The following MCU variants were observed in gnomAD, a reference collection of about 807,000 sequenced individuals.
MCU encodes the protein mitochondrial calcium uniporter, also known as calcium uniporter protein, mitochondrial.
A neutral mutation model predicts 45.2 loss-of-function variants in MCU; 12 were observed. The observed-to-expected ratio is 0.27, with a 90% CI of 0.17 to 0.43. The LOEUF (loss-of-function observed/expected upper bound fraction) is 0.43, where lower values mean the gene tolerates loss of function less well. MCU is among the 20% of genes least tolerant of loss of function. The pLI, the probability that MCU is intolerant of heterozygous loss-of-function variation, is 1.00. For missense variants in MCU, 324 were observed against 436.7 expected (o/e 0.74, Z 2.30); for synonymous variants, 160 against 165.1 (o/e 0.97, Z 0.24).
At chr10:72,760,701 A>ATTTTTT (rs995677860) in intron 1 of MCU, 2 of 123,740 alleles carry the variant, frequency 1.6e-5, no homozygotes, top group African/African-American at 6.9e-5. Flanking sequence ...GGTTACTTAA[A>ATTTTTT]TTTTTTTTTT....
At chr10:72,725,871 C>T (rs571413105) in intron 1 of MCU, among the ~76,000 whole-genome samples, 6 of 151,820 alleles carry the variant, frequency 4.0e-5, no homozygotes, top group East Asian at 1.9e-4. Flanking sequence ...GCAACAAGAG[C>T]GAAACTGTCT....
intron 1 of MCU, among the ~76,000 whole-genome samples, chr10:72,789,616 C>T (rs1428034062): frequency 1.3e-5 from 2 of 152,116 alleles, no homozygotes; most frequent in Non-Finnish European, 2.9e-5. Flanking sequence ...CCATGTTTGA[C>T]ACACAAGATT....
At chr10:72,787,872 A>G (rs1444990240) in intron 1 of MCU, among the ~76,000 whole-genome samples, 2 of 151,404 alleles carry the variant, frequency 1.3e-5, no homozygotes, top group Non-Finnish European at 2.9e-5. Context: ...GTGCGCCACC[A>G]CACCCAGCTA....
chr10:72,871,322 G>A, intron 5 of MCU, 55 bp from the exon 6 acceptor site: 1 of 1,527,132 alleles, frequency 6.5e-7, no homozygotes, highest in East Asian at 2.3e-5. Context: ...AACAGTTTAA[G>A]CCTTTTTAGA....
chr10:72,752,989 CAT>C (rs769167281), intron 1 of MCU, among the ~76,000 whole-genome samples: 1 of 152,152 alleles, frequency 6.6e-6, no homozygotes, highest in African/African-American at 2.4e-5. Flanking sequence ...TTCTGCATGA[CAT>C]GTGGATATAA....
At chr10:72,823,800 C>T (rs1432378513) in intron 1 of MCU, among the ~76,000 whole-genome samples, 1 of 152,204 alleles carries the variant, frequency 6.6e-6, no homozygotes, top group Non-Finnish European at 1.5e-5. Flanking sequence ...TGCCTCACGG[C>T]TGTAATCCCA....
intron 1 of MCU, among the ~76,000 whole-genome samples, chr10:72,709,606 A>G (rs1194925282): frequency 6.6e-6 from 1 of 151,052 alleles, no homozygotes; most frequent in African/African-American, 2.4e-5. Flanking sequence ...TTTTGAGGGG[A>G]CCCCTAGGGT....
chr10:72,779,527 A>G (rs1454721344), intron 1 of MCU, among the ~76,000 whole-genome samples: 1 of 152,220 alleles, frequency 6.6e-6, no homozygotes, highest in Non-Finnish European at 1.5e-5. Context: ...TTTGCAGATC[A>G]TTTATTTGTT....
intron 1 of MCU, among the ~76,000 whole-genome samples, chr10:72,717,080 C>A (rs1789417770): frequency 6.6e-6 from 1 of 151,742 alleles, no homozygotes; most frequent in Admixed American, 6.6e-5. Context: ...GCTTGTTTTC[C>A]CTACTATTTG....
At chr10:72,776,170 T>TA (rs1005657745) in intron 1 of MCU, among the ~76,000 whole-genome samples, 1,772 of 141,676 alleles carry the variant, frequency 0.013, 24 homozygotes, top group African/African-American at 0.033. Context: ...CCCTATCTCT[T>TA]AAAAAAAAAA....
intron 4 of MCU, among the ~76,000 whole-genome samples, chr10:72,862,858 G>GGACCAGCCTGGGCAACACAGTAGC (rs1845399770): frequency 2.0e-5 from 3 of 151,556 alleles, no homozygotes; most frequent in African/African-American, 7.3e-5. Flanking sequence ...CAGGAGTTTG[G>GGACCAGCCTGGGCAACACAGTAGC]GACCAGCCTG....
chr10:72,737,090 A>G (rs1264041934), intron 1 of MCU, among the ~76,000 whole-genome samples: 1 of 152,224 alleles, frequency 6.6e-6, no homozygotes, highest in Non-Finnish European at 1.5e-5. Context: ...TTTTTCTTGA[A>G]TATGACTCTT....
At chr10:72,849,901 A>G (rs1007671330) in intron 2 of MCU, among the ~76,000 whole-genome samples, 2 of 148,048 alleles carry the variant, frequency 1.4e-5, no homozygotes, top group African/African-American at 5.0e-5. Flanking sequence ...TGACCTTAGC[A>G]GTATTATCTT....
At chr10:72,883,830 C>T (rs914258964) in intron 6 of MCU, among the ~76,000 whole-genome samples, 17 of 152,128 alleles carry the variant, frequency 1.1e-4, no homozygotes, top group Admixed American at 2.6e-4. Context: ...TACTGTATGA[C>T]TCCATCTTCA....
chr10:72,791,177 A>G (rs950693740), intron 1 of MCU, among the ~76,000 whole-genome samples: 2 of 152,208 alleles, frequency 1.3e-5, no homozygotes, highest in African/African-American at 4.8e-5. Context: ...CTTGTTCCCA[A>G]CAATTTCAAA....
intron 1 of MCU, among the ~76,000 whole-genome samples, chr10:72,824,494 G>C (rs191788616): frequency 6.6e-6 from 1 of 151,960 alleles, no homozygotes; most frequent in Non-Finnish European, 1.5e-5. Flanking sequence ...CAGGCGTGAG[G>C]CACCGCGCCC....
At chr10:72,771,309 G>A (rs895780347) in intron 1 of MCU, among the ~76,000 whole-genome samples, 3 of 152,022 alleles carry the variant, frequency 2.0e-5, no homozygotes, top group Non-Finnish European at 4.4e-5. Flanking sequence ...TTCTATTCCT[G>A]TGTTAGTTTG....
intron 1 of MCU, among the ~76,000 whole-genome samples, chr10:72,739,724 T>C (rs1843299986): frequency 6.6e-6 from 1 of 151,640 alleles, no homozygotes; most frequent in African/African-American, 2.4e-5. Flanking sequence ...GAGACCAGGC[T>C]GGCATTCAGT....
intron 1 of MCU, among the ~76,000 whole-genome samples, chr10:72,805,833 T>A (rs970573333): frequency 2.6e-5 from 4 of 152,156 alleles, no homozygotes; most frequent in Admixed American, 6.5e-5. Flanking sequence ...CGATTAAATA[T>A]AGAATTTTAA....
Sources: allele counts gnomAD v4.1 joint callset (sites outside exome capture counted in the v4.1 genomes callset), GRCh38; gene constraint gnomAD v4.1.1; transcripts MANE v1.5; gene names NCBI Gene and HGNC (gene_info 2026-07-23, HGNC 2026-07-21).